Variants in NEK5 observed in about 807,000 individuals in gnomAD.
NEK5 encodes NIMA related kinase 5.
In NEK5, 88 loss-of-function variants were observed where a neutral mutation model predicts 109.2. That is an observed-to-expected ratio of 0.81 (90% CI 0.68 to 0.96). NEK5 has a LOEUF of 0.96. Among genes scored for constraint, NEK5 ranks in the 40% least tolerant of loss-of-function variants. The probability of loss-of-function intolerance (pLI) is 0.00; values close to 1 mark genes in which losing one functional copy is unlikely to be tolerated. For synonymous variants in NEK5, 283 were observed against 299.9 expected (o/e 0.94, Z 0.58); for missense variants, 834 against 920.7 (o/e 0.91, Z 1.22).
chr13:52,037,247 T>G (rs1340213857), intron 23 of NEK5, 29 bp from the exon 24 acceptor site: 1 of 950,826 alleles, frequency 1.1e-6, no homozygotes, highest in East Asian at 1.2e-4. Context: ...AAAATCAGCA[T>G]TATGATATGA....
intron 19 of NEK5, among the ~76,000 whole-genome samples, chr13:52,073,916 T>C (rs896717405): frequency 1.1e-4 from 17 of 152,204 alleles, no homozygotes; most frequent in African/African-American, 4.1e-4. Flanking sequence ...GGAGTACATC[T>C]AACCAAGGAG....
At chr13:52,089,966 A>AAC (rs1434767725) in intron 13 of NEK5, among the ~76,000 whole-genome samples, 27 of 152,146 alleles carry the variant, frequency 1.8e-4, no homozygotes, top group Admixed American at 1.6e-3. Flanking sequence ...CATCTCAAAA[A>AAC]AAAAAGAAAA....
chr13:52,083,163 T>A, intron 17 of NEK5, 97 bp downstream of exon 17: 10 of 770,892 alleles, frequency 1.3e-5, no homozygotes, highest in Middle Eastern at 2.4e-4. Context: ...AAAAAAAAAG[T>A]TCCCTACGTG....
intron 23 of NEK5, among the ~76,000 whole-genome samples, chr13:52,046,070 CAA>C (rs1216006961): frequency 2.1e-4 from 12 of 57,362 alleles, no homozygotes; most frequent in African/African-American, 3.0e-4. Flanking sequence ...GACTCCATCT[CAA>C]AAAAAAAAAA....
At chr13:52,098,327 A>G (rs1298081283) in intron 12 of NEK5, among the ~76,000 whole-genome samples, 1 of 151,998 alleles carries the variant, frequency 6.6e-6, no homozygotes, top group African/African-American at 2.4e-5. Flanking sequence ...ATGAAGGGCA[A>G]TAACTTAAAC....
Position 52,108,390 on chromosome 13 carries a change from G to A in NEK5, c.482C>T (p.Ala161Val). The change falls in exon 8 of 24, where the codon GCT (alanine) becomes GTT (valine). Residue 161 changes from alanine to valine, a missense_variant. Physicochemically the swap from Ala to Val is moderately conservative, Grantham distance 64. Coordinates refer to ENST00000684899, the MANE Select transcript of NEK5 (RefSeq NM_001365552.1). The part of the protein sequence containing the change: ...ARVLNNSMEL[A>V]RTCIGTPYYL... ...GTAAGGTGTTCCAATACAAGTTCGA[G>A]CAAGTTCCATGGAACTAGTAAATTA... 3 of 1,602,284 alleles carry A rather than the reference G, an allele frequency of 1.9e-6. No homozygotes were observed. The highest frequency in any genetic ancestry group is 2.6e-6 in the Non-Finnish European group (3 of 1,170,104).
intron 19 of NEK5, 37 bp from the exon 20 acceptor site, chr13:52,072,107 C>A: frequency 6.4e-7 from 1 of 1,554,656 alleles, no homozygotes; most frequent in Admixed American, 2.0e-5. Context: ...ATAAATTAGC[C>A]ATATTTTGAA....
rs1288258090 is a variant in NEK5 at position 52,055,705 on chromosome 13, A to G, written c.2111-5484T>C. Among the ~76,000 whole-genome samples, 6 of 152,138 alleles carry G rather than the reference A, an allele frequency of 3.9e-5. No homozygotes were observed. The East Asian group carries it at 9.6e-4, about 24-fold the overall frequency. ...TTCATATCCAGCCAAACTAAGCTTC[A>G]TAAGTGAAGGAGAAATAAAATACTT... is the stretch of plus-strand genomic sequence containing the variant. On this transcript the variant is annotated intron_variant, in intron 22 of 23. Coordinates refer to ENST00000684899, the MANE Select transcript of NEK5 (RefSeq NM_001365552.1).
At position 52,082,599 on chromosome 13, in the gene NEK5, T is replaced by C. The variant is rs192304911; in HGVS notation, c.1572+661A>G. ...GGGAAAAAAACTCTCTTGAGATTTA[T>C]TTGTTATTTCAACTCTGCCCAGGCT... On this transcript the variant is annotated intron_variant, in intron 17 of 23. Coordinates refer to ENST00000684899, the MANE Select transcript of NEK5 (RefSeq NM_001365552.1). Among the ~76,000 whole-genome samples the C allele has an allele frequency of 6.2e-3, 946 of 152,332 alleles. 11 individuals carry two copies. The highest frequency in any genetic ancestry group is 0.014 in the Middle Eastern group (4 of 294).
Position 52,086,792 on chromosome 13 carries a change from G to A in NEK5, c.1393-429C>T, listed in dbSNP as rs952877880. 3.3e-5 allele frequency among the ~76,000 whole-genome samples: 5 copies of A among 150,482 alleles called. No homozygotes were observed. The South Asian group carries it at 1.0e-3, about 32-fold the overall frequency. ...AGTGGGCCCTTAGTTCAATATGACT[G>A]ATGTCCTTGCAAGAAGATGGCCATG... On this transcript the variant is annotated intron_variant, in intron 15 of 23. Transcript: ENST00000684899.
intron 22 of NEK5, among the ~76,000 whole-genome samples, chr13:52,054,984 G>C (rs1954541143): frequency 6.6e-6 from 1 of 152,254 alleles, no homozygotes; most frequent in South Asian, 2.1e-4. Flanking sequence ...GAAGGCTTCA[G>C]ACGATCAAAT....
rs902710069 is a variant in NEK5 at position 52,083,365 on chromosome 13, TTA to T, written c.1480-15_1480-14del. ...TTTTTGAGTTCTCCTTTAACACAAA[TTA>T]TACACAGTCAACAAGATTGGTTCTG... On this transcript the variant is annotated splice_polypyrimidine_tract_variant and intron_variant, in intron 16 of 23. Coordinates refer to ENST00000684899, the MANE Select transcript of NEK5 (RefSeq NM_001365552.1). 6.6e-7 allele frequency: 1 copy of T among 1,512,768 alleles called. No homozygotes were observed. The highest frequency in any genetic ancestry group is 1.4e-5 in the African/African-American group (1 of 72,956). 93.7% of individuals were successfully genotyped at this position (1,512,768 alleles called of 1,614,324 possible). A position where few individuals can be genotyped will look rare whatever the true frequency, so the allele number is the denominator to read the frequency against.
intron 23 of NEK5, among the ~76,000 whole-genome samples, chr13:52,044,968 C>T (rs1047746206): frequency 1.3e-5 from 2 of 151,812 alleles, no homozygotes; most frequent in Non-Finnish European, 2.9e-5. Flanking sequence ...AGCCTGAAAA[C>T]TCTAAGGAAG....
At chr13:52,112,971 C>G (rs1955785465) in intron 4 of NEK5, among the ~76,000 whole-genome samples, 1 of 152,148 alleles carries the variant, frequency 6.6e-6, no homozygotes, top group East Asian at 1.9e-4. Context: ...TGAATCTTAC[C>G]AAGATCATTT....
chr13:52,097,463 C>G (rs1021142813), intron 12 of NEK5, among the ~76,000 whole-genome samples: 1 of 152,170 alleles, frequency 6.6e-6, no homozygotes, highest in Non-Finnish European at 1.5e-5. Context: ...ACCAGTATGC[C>G]CTGGATGTGA....
At chr13:52,103,329 G>A (rs1478344042) in intron 9 of NEK5, among the ~76,000 whole-genome samples, 2 of 152,184 alleles carry the variant, frequency 1.3e-5, no homozygotes, top group Non-Finnish European at 2.9e-5. Context: ...TCCTCGGGAG[G>A]CTGAGGCAAG....
chr13:52,119,208 G>T (rs139616388), intron 4 of NEK5, 111 bp downstream of exon 4: 28 of 466,298 alleles, frequency 6.0e-5, no homozygotes, highest in East Asian at 4.5e-4. Context: ...ATGGGGAAAT[G>T]ACCCATTTAC....
chr13:52,097,850 A>G (rs1331909918), intron 12 of NEK5, among the ~76,000 whole-genome samples: 1 of 152,114 alleles, frequency 6.6e-6, no homozygotes, highest in African/African-American at 2.4e-5. Context: ...TCCCTGCCCA[A>G]ATTTCATGTT....
At chr13:52,043,007 C>A (rs1954426633) in intron 23 of NEK5, among the ~76,000 whole-genome samples, 1 of 151,458 alleles carries the variant, frequency 6.6e-6, no homozygotes, top group African/African-American at 2.4e-5. Flanking sequence ...GCACATAAAC[C>A]AACTACATGC....
Sources: allele counts gnomAD v4.1 joint callset (sites outside exome capture counted in the v4.1 genomes callset), GRCh38; gene constraint gnomAD v4.1.1; transcripts MANE v1.5; gene names NCBI Gene and HGNC (gene_info 2026-07-23, HGNC 2026-07-21).